Variants in QTMAN observed in about 807,000 individuals in gnomAD.
The protein encoded by QTMAN is tRNA-queuosine alpha-mannosyltransferase.
the QTMAN span, among the ~76,000 whole-genome samples, chr2:144,164,240 A>AT: frequency 1.0e-3 from 155 of 151,470 alleles, no homozygotes; most frequent in Non-Finnish European, 1.8e-3. Context: ...TGTTTTTTGC[A>AT]TTTTTTGTTT....
the QTMAN span, among the ~76,000 whole-genome samples, chr2:143,980,721 AT>A: frequency 6.6e-6 from 1 of 152,152 alleles, no homozygotes; most frequent in Non-Finnish European, 1.5e-5. Context: ...GCTCAACTCC[AT>A]TTTTATAGTA....
At chr2:144,332,775 C>T in the QTMAN span, among the ~76,000 whole-genome samples, 2 of 152,188 alleles carry the variant, frequency 1.3e-5, no homozygotes, top group African/African-American at 2.4e-5. Context: ...CTCCCCACCT[C>T]CCTGTGCGCC....
chr2:144,113,254 A>T, the QTMAN span, among the ~76,000 whole-genome samples: 2 of 152,188 alleles, frequency 1.3e-5, no homozygotes, highest in African/African-American at 4.8e-5. Context: ...AGGGAAAAAA[A>T]ATAAGAAAGG....
chr2:144,304,873 T>C, the QTMAN span, among the ~76,000 whole-genome samples: 1 of 152,218 alleles, frequency 6.6e-6, no homozygotes, highest in Admixed American at 6.5e-5. Context: ...CAACAGTAAA[T>C]GACACTGAGA....
At chr2:143,952,173 C>T in the QTMAN span, 134 of 709,302 alleles carry the variant, frequency 1.9e-4, no homozygotes, top group Non-Finnish European at 3.0e-4. Flanking sequence ...TGCTCTGTGC[C>T]GCCTCGTGTT....
At chr2:144,123,095 A>T in the QTMAN span, among the ~76,000 whole-genome samples, 1 of 152,190 alleles carries the variant, frequency 6.6e-6, no homozygotes, top group Non-Finnish European at 1.5e-5. Context: ...ATTACTTTTT[A>T]AAAATTGTTA....
chr2:144,060,180 T>C, the QTMAN span, among the ~76,000 whole-genome samples: 2 of 152,080 alleles, frequency 1.3e-5, no homozygotes, highest in African/African-American at 4.8e-5. Context: ...AATGAATATA[T>C]GTACCATACA....
chr2:144,215,261 A>AATAT, the QTMAN span, among the ~76,000 whole-genome samples: 2 of 142,432 alleles, frequency 1.4e-5, no homozygotes, highest in Non-Finnish European at 3.1e-5. Flanking sequence ...AAAAAAAAAA[A>AATAT]ATATATATAT....
At chr2:144,144,221 C>T in the QTMAN span, among the ~76,000 whole-genome samples, 14 of 152,048 alleles carry the variant, frequency 9.2e-5, no homozygotes, top group East Asian at 2.1e-3. Context: ...TTCCCTCAAA[C>T]GGCATGTGAC....
At chr2:144,180,658 C>A in the QTMAN span, among the ~76,000 whole-genome samples, 1 of 152,130 alleles carries the variant, frequency 6.6e-6, no homozygotes, top group Non-Finnish European at 1.5e-5. Flanking sequence ...TAAAAAACTG[C>A]TTGTACCTTT....
chr2:144,016,063 C>T, the QTMAN span, among the ~76,000 whole-genome samples: 2 of 152,128 alleles, frequency 1.3e-5, no homozygotes, highest in Admixed American at 1.3e-4. Context: ...CACTACATTC[C>T]CTAGTCAGTC....
chr2:144,231,843 G>GGTGTGTGTGT, the QTMAN span, among the ~76,000 whole-genome samples: 1,388 of 138,428 alleles, frequency 0.01, 17 homozygotes, highest in Non-Finnish European at 0.013. Flanking sequence ...GAATGAAAGA[G>GGTGTGTGTGT]GTGTGTGTGT....
the QTMAN span, among the ~76,000 whole-genome samples, chr2:144,308,955 A>G: frequency 6.6e-6 from 1 of 152,224 alleles, no homozygotes; most frequent in African/African-American, 2.4e-5. Context: ...TTTTTAATGG[A>G]CAAAAGATTT....
chr2:144,203,177 G>C, the QTMAN span, among the ~76,000 whole-genome samples: 5 of 152,020 alleles, frequency 3.3e-5, no homozygotes, highest in Non-Finnish European at 5.9e-5. Context: ...GTGTGTGTGT[G>C]TGTGTGTGTG....
At chr2:144,256,014 A>C in the QTMAN span, among the ~76,000 whole-genome samples, 4 of 152,174 alleles carry the variant, frequency 2.6e-5, no homozygotes, top group African/African-American at 9.7e-5. Context: ...AAAGTCTATT[A>C]ATTATTTTTA....
At chr2:144,235,544 C>T in the QTMAN span, 3 of 152,496 alleles carry the variant, frequency 2.0e-5, no homozygotes, top group Non-Finnish European at 2.9e-5. Context: ...AAAAAGGCTG[C>T]TTCCTTCTCT....
the QTMAN span, among the ~76,000 whole-genome samples, chr2:144,118,648 C>T: frequency 6.6e-6 from 1 of 152,070 alleles, no homozygotes; most frequent in Admixed American, 6.6e-5. Context: ...CTTTGGGAGG[C>T]CGAGGTGGGT....
At chr2:144,188,321 C>T in the QTMAN span, among the ~76,000 whole-genome samples, 1 of 151,928 alleles carries the variant, frequency 6.6e-6, no homozygotes, top group African/African-American at 2.4e-5. Context: ...AAAGTAGTGC[C>T]TTTGAACGGG....
chr2:144,153,584 G>A, the QTMAN span, among the ~76,000 whole-genome samples: 2 of 152,116 alleles, frequency 1.3e-5, no homozygotes, highest in Admixed American at 1.3e-4. Context: ...CCAGTTACTT[G>A]GGAGGCTGAG....
Sources: allele counts gnomAD v4.1 joint callset (sites outside exome capture counted in the v4.1 genomes callset), GRCh38; gene constraint gnomAD v4.1.1; transcripts MANE v1.5; gene names NCBI Gene and HGNC (gene_info 2026-07-23, HGNC 2026-07-21).